Variants in CACNG4 observed in about 807,000 individuals in gnomAD.
The protein encoded by CACNG4 is voltage-dependent calcium channel gamma-4 subunit.
In CACNG4, 8 loss-of-function variants were observed where a neutral mutation model predicts 22.9. The observed-to-expected ratio is 0.35, with a 90% CI of 0.21 to 0.63. The LOEUF (loss-of-function observed/expected upper bound fraction) is 0.63, where lower values mean the gene tolerates loss of function less well. CACNG4 is among the 30% of genes least tolerant of loss of function. CACNG4 has a pLI of 0.72. For missense variants in CACNG4, 357 were observed against 455.4 expected (o/e 0.78, Z 1.97); for synonymous variants, 188 against 191.9 (o/e 0.98, Z 0.17).
chr17:66,971,187 G>T (rs992817991), intron 1 of CACNG4, among the ~76,000 whole-genome samples: 2 of 151,784 alleles, frequency 1.3e-5, no homozygotes, highest in African/African-American at 4.9e-5. Context: ...TAGCTTCCAC[G>T]CTGACGGTGG....
chr17:67,004,425 C>A (rs2035425589), intron 1 of CACNG4, among the ~76,000 whole-genome samples: 1 of 152,116 alleles, frequency 6.6e-6, no homozygotes, highest in Non-Finnish European at 1.5e-5. Flanking sequence ...CAGATGAGAC[C>A]TCAGATGAGC....
intron 1 of CACNG4, among the ~76,000 whole-genome samples, chr17:66,972,559 G>T (rs183058451): frequency 5.4e-4 from 82 of 152,304 alleles, no homozygotes; most frequent in East Asian, 1.9e-3. Context: ...GTTTAGGGTT[G>T]CAGGGACAAA....
chr17:66,977,248 T>C (rs1247382919), intron 1 of CACNG4, among the ~76,000 whole-genome samples: 1 of 152,160 alleles, frequency 6.6e-6, no homozygotes, highest in African/African-American at 2.4e-5. Context: ...TACCTTCTGG[T>C]GAGAACACAT....
chr17:67,001,825 C>T (rs2035409837), intron 1 of CACNG4, among the ~76,000 whole-genome samples: 1 of 152,216 alleles, frequency 6.6e-6, no homozygotes, highest in Non-Finnish European at 1.5e-5. Context: ...CAAAGCTCTT[C>T]CTGGAAAGCC....
chr17:67,030,808 T>A lies in CACNG4; in HGVS notation c.788T>A (p.Leu263Gln), dbSNP rs1184362272. 1 of 1,613,934 alleles carries A rather than the reference T, an allele frequency of 6.2e-7. No homozygotes were observed. The highest frequency in any genetic ancestry group is 1.7e-5 in the Admixed American group (1 of 60,000). ...TCCAGGGACGTGTCGCCCATGGGCC[T>A]GAAGATCACAGGGGCCATCCCCATG... ...SPSRDVSPMG[L>Q]KITGAIPMGE... is the part of the protein sequence containing the mutation. Residue 263 changes from leucine to glutamine, a missense_variant, in exon 4 of 4, where the codon CTG becomes CAG. Around this residue, in one of 3 missense-constraint regions of CACNG4, gnomAD observed 240 missense variants for 277.6 expected, o/e 0.86. Coordinates refer to ENST00000262138, the MANE Select transcript of CACNG4 (RefSeq NM_014405.4). This position sits in a 1 kb window ranked among gnomAD's most constrained non-coding sequence, Gnocchi z 6.4.
chr17:66,994,534 C>T (rs938316305), intron 1 of CACNG4, among the ~76,000 whole-genome samples: 3 of 152,174 alleles, frequency 2.0e-5, no homozygotes, highest in African/African-American at 7.2e-5. Context: ...AGCCAGAATG[C>T]CACCCTGGCC....
chr17:67,015,707 G>C (rs2035493324), intron 1 of CACNG4, among the ~76,000 whole-genome samples: 2 of 152,178 alleles, frequency 1.3e-5, no homozygotes, highest in Admixed American at 6.5e-5. Context: ...TGCCGCTGCA[G>C]AGCAAATCGG....
At chr17:66,996,277 CA>C (rs1408501840) in intron 1 of CACNG4, among the ~76,000 whole-genome samples, 1 of 151,812 alleles carries the variant, frequency 6.6e-6, no homozygotes, top group Non-Finnish European at 1.5e-5. Context: ...CTTTTGCACG[CA>C]GACACAGAGC....
chr17:66,972,577 G>C (rs1344148548), intron 1 of CACNG4, among the ~76,000 whole-genome samples: 7 of 152,210 alleles, frequency 4.6e-5, no homozygotes, highest in Admixed American at 3.9e-4. Flanking sequence ...AAAGGGCAGA[G>C]GGGGAAGGCA....
At chr17:66,973,821 G>A (rs958526910) in intron 1 of CACNG4, among the ~76,000 whole-genome samples, 1 of 152,174 alleles carries the variant, frequency 6.6e-6, no homozygotes, top group Admixed American at 6.5e-5. Flanking sequence ...CCAGGGAGAG[G>A]CCAGGGAGGG....
In CACNG4 at chr17:67,008,590, C is replaced by T. The variant is rs548858647; in HGVS notation, c.221-9599C>T. ...TCCTGGGTTATGGGTTAAATTGCAC[C>T]CTACCCCATCCCCACCGAAAATTCT... On this transcript the variant is annotated intron_variant, in intron 1 of 3. Transcript: ENST00000262138. 1.3e-4 allele frequency among the ~76,000 whole-genome samples: 20 copies of T among 152,172 alleles called. No individual in the cohort carries two copies. In the South Asian group the frequency reaches 3.3e-3, roughly 25 times the overall value.
intron 1 of CACNG4, among the ~76,000 whole-genome samples, chr17:67,009,510 C>T (rs2035456189): frequency 6.8e-6 from 1 of 147,560 alleles, no homozygotes; most frequent in Non-Finnish European, 1.5e-5. Context: ...AGGGTACCTC[C>T]CTGGGCCTTC....
At chr17:67,016,817 T>C (rs759043310) in intron 1 of CACNG4, among the ~76,000 whole-genome samples, 45 of 151,962 alleles carry the variant, frequency 3.0e-4, no homozygotes, top group Admixed American at 5.2e-4. Flanking sequence ...GACTTCAGGG[T>C]AGCAGAGGAC....
At chr17:67,003,366 A>ATGCTATCC (rs1294011701) in intron 1 of CACNG4, among the ~76,000 whole-genome samples, 1 of 151,898 alleles carries the variant, frequency 6.6e-6, no homozygotes, top group Non-Finnish European at 1.5e-5. Flanking sequence ...TACTGTCTCT[A>ATGCTATCC]TGCTATCCAG....
intron 2 of CACNG4, among the ~76,000 whole-genome samples, chr17:67,022,710 C>A (rs529682228): frequency 6.6e-6 from 1 of 152,228 alleles, no homozygotes; most frequent in Non-Finnish European, 1.5e-5. Flanking sequence ...CTGTCCCCTG[C>A]GGGGGCCACC....
chr17:66,969,001 G>C (rs1204713744), intron 1 of CACNG4, among the ~76,000 whole-genome samples: 2 of 151,864 alleles, frequency 1.3e-5, no homozygotes, highest in South Asian at 2.1e-4. Context: ...GTGACACCCA[G>C]CCAAGCCTGA....
chr17:66,998,141 T>C (rs2035386235), intron 1 of CACNG4, among the ~76,000 whole-genome samples: 1 of 152,180 alleles, frequency 6.6e-6, no homozygotes, highest in Non-Finnish European at 1.5e-5. Context: ...GAAGACTCCA[T>C]CTATGCCGCA....
chr17:67,030,515 T>C lies in CACNG4; in HGVS notation c.495T>C (p.Gly165=). Residue 165 remains glycine (G), a synonymous_variant, in exon 4 of 4, where the codon GGT becomes GGC. Coordinates refer to ENST00000262138, the MANE Select transcript of CACNG4 (RefSeq NM_014405.4). This position sits in a 1 kb window ranked among gnomAD's most constrained non-coding sequence, Gnocchi z 6.4. ...TCGTCTACATTTCCAGCAACACAGG[T>C]GACCCGAGTGACAAGCGGGACGAAG... ...GIIVYISSNT[G]DPSDKRDEDK... The C allele has an allele frequency of 6.2e-7, 1 of 1,614,084 alleles. No individual in the cohort carries two copies. The highest frequency in any genetic ancestry group is 8.5e-7 in the Non-Finnish European group (1 of 1,180,022).
At chr17:66,973,972 C>T (rs1243747158) in intron 1 of CACNG4, among the ~76,000 whole-genome samples, 2 of 152,190 alleles carry the variant, frequency 1.3e-5, no homozygotes, top group Non-Finnish European at 2.9e-5. Context: ...TTTTTTCTAG[C>T]ATTATCAACT....
Sources: allele counts gnomAD v4.1 joint callset (sites outside exome capture counted in the v4.1 genomes callset), GRCh38; gene constraint gnomAD v4.1.1; regional missense constraint gnomAD v4.1.1; non-coding constraint Gnocchi (gnomAD v3.1); transcripts MANE v1.5; gene names NCBI Gene and HGNC (gene_info 2026-07-23, HGNC 2026-07-21).